Variants in PASD1 observed in about 807,000 individuals in gnomAD.
PASD1 encodes the protein circadian clock protein PASD1.
PASD1 carries 13 observed loss-of-function variants against 58.8 expected under a neutral mutation model. That is an observed-to-expected ratio of 0.22 (90% CI 0.14 to 0.35). The LOEUF (loss-of-function observed/expected upper bound fraction) is 0.35. Among genes scored for constraint, PASD1 ranks in the 10% least tolerant of loss-of-function variants. The pLI is 1.00. For missense variants in PASD1, 734 were observed against 568.3 expected, an observed-to-expected ratio of 1.29 and a Z score of -2.96; for synonymous variants, 236 against 216.7, an observed-to-expected ratio of 1.09 and a Z score of -0.78.
intron 1 of PASD1, among the ~76,000 whole-genome samples, chrX:151,591,981 T>C (rs1396595371): frequency 8.9e-6 from 1 of 112,157 alleles, no homozygotes; most frequent in African/African-American, 3.2e-5. Flanking sequence ...AAATCAAATT[T>C]CAGTTTATGT....
intron 3 of PASD1, among the ~76,000 whole-genome samples, chrX:151,610,258 A>C (rs1037714109): frequency 5.4e-5 from 6 of 111,750 alleles, no homozygotes; most frequent in African/African-American, 1.9e-4. Flanking sequence ...CTTGTGTTAC[A>C]TTCTGAGTCA....
chrX:151,613,425 C>T (rs1356254168), intron 4 of PASD1, among the ~76,000 whole-genome samples: 5 of 107,815 alleles, frequency 4.6e-5, no homozygotes, highest in Non-Finnish European at 7.7e-5. Context: ...GCCATTTTCA[C>T]GATATTGATT....
At chrX:151,663,954 C>T (rs2014341933) in intron 10 of PASD1, among the ~76,000 whole-genome samples, 165 bp from the exon 11 acceptor site, 1 of 112,341 alleles carries the variant, frequency 8.9e-6, no homozygotes, top group African/African-American at 3.2e-5. Flanking sequence ...CCCTTTTCTT[C>T]ATTTTCAAAT....
At chrX:151,565,818 A>G (rs2012833232) in intron 1 of PASD1, among the ~76,000 whole-genome samples, 1 of 111,566 alleles carries the variant, frequency 9.0e-6, no homozygotes, top group African/African-American at 3.3e-5. Flanking sequence ...TTCGCCTCCC[A>G]AAGTGCTGGG....
intron 11 of PASD1, among the ~76,000 whole-genome samples, chrX:151,670,180 G>T (rs1488567547): frequency 9.0e-6 from 1 of 111,513 alleles, no homozygotes; most frequent in Non-Finnish European, 1.9e-5. Context: ...CAAACTCCAC[G>T]CTTCGTTTCT....
chrX:151,648,146 C>T (rs975573411), intron 8 of PASD1, among the ~76,000 whole-genome samples: 3 of 110,874 alleles, frequency 2.7e-5, no homozygotes, highest in African/African-American at 9.8e-5. Context: ...TATTTCGACT[C>T]TAGTGTGCCA....
At chrX:151,659,674 A>G (rs2014286743) in intron 9 of PASD1, 39 bp from the exon 10 acceptor site, 2 of 1,147,490 alleles carry the variant, frequency 1.7e-6, no homozygotes, top group East Asian at 6.1e-5. Context: ...TCTAACTCCA[A>G]AATGCAATGT....
At chrX:151,569,820 G>C (rs2012901411) in intron 1 of PASD1, among the ~76,000 whole-genome samples, 1 of 110,784 alleles carries the variant, frequency 9.0e-6, no homozygotes, top group East Asian at 2.8e-4. Context: ...ATAATTTTAA[G>C]TGAGGAGGTC....
chrX:151,641,717 G>C lies in PASD1; in HGVS notation c.630-6898G>C, dbSNP rs142715718. On this transcript the variant is annotated intron_variant, in intron 8 of 15. Coordinates refer to ENST00000370357, the MANE Select transcript of PASD1 (RefSeq NM_173493.3). Reference sequence around the variant, plus strand: ...TTGTGGTGCTCAGGATAGGGAATTGGAGAGGAGAAGGGTACATTATTTCCT... The same window carrying C: ...TTGTGGTGCTCAGGATAGGGAATTGCAGAGGAGAAGGGTACATTATTTCCT... Among the ~76,000 whole-genome samples the C allele has an allele frequency of 2.7e-3, 295 of 110,938 alleles. 1 individual carries two copies. The highest frequency in any genetic ancestry group is 9.4e-3 in the African/African-American group (286 of 30,519).
At chrX:151,621,170 ACT>A (rs2013703289) in intron 5 of PASD1, 141 bp downstream of exon 5, 1 of 411,902 alleles carries the variant, frequency 2.4e-6, no homozygotes, top group Non-Finnish European at 4.1e-6. Flanking sequence ...AATATTACAA[ACT>A]CTATTTCTAG....
At chrX:151,648,253 A>T (rs1300303452) in intron 8 of PASD1, among the ~76,000 whole-genome samples, 1 of 110,648 alleles carries the variant, frequency 9.0e-6, no homozygotes, top group Non-Finnish European at 1.9e-5. Context: ...TAATTACAGG[A>T]AACAAAATTA....
chrX:151,676,418 C>T lies in PASD1; in HGVS notation c.*275C>T, dbSNP rs760573122. The stretch of plus-strand genomic sequence containing the variant: ...TGGATCTGATGTCTTGTCTGCCCCG[C>T]CCAGCTTTGCATATCCATGTTCTAC... On this transcript the variant is annotated 3_prime_UTR_variant, in exon 16 of 16. Transcript: ENST00000370357. 8 of 265,539 alleles carry T rather than the reference C, an allele frequency of 3.0e-5. No individual in the cohort carries two copies. In the South Asian group the frequency reaches 1.8e-3, roughly 59 times the overall value. The allele number at this position is 265,539 out of a possible 1,213,427, so 21.9% of individuals were successfully genotyped here.
At chrX:151,664,440 T>G (rs915523068) in intron 11 of PASD1, 92 bp downstream of exon 11, 5 of 1,134,547 alleles carry the variant, frequency 4.4e-6, no homozygotes, top group Admixed American at 2.8e-5. Flanking sequence ...CCAGTTTCAC[T>G]TCACAGAAAG....
chrX:151,671,114 A>G lies in PASD1; in HGVS notation c.1148A>G (p.Gln383Arg), dbSNP rs779597595. 7 of 1,212,011 alleles carry G rather than the reference A, an allele frequency of 5.8e-6. No homozygotes were observed. The highest frequency in any genetic ancestry group is 7.8e-6 in the Non-Finnish European group (7 of 895,520). The part of the protein sequence containing the change: ...ELELMKKLKE[Q>R]LEERTWLLHD... ...GAACTGATGAAGAAGTTGAAGGAGC[A>G]GCTAGAAGAGAGGACTTGGTTGCTG... The change falls in exon 12 of 16, where the codon CAG becomes CGG. Residue 383 changes from glutamine to arginine, a missense_variant. Physicochemically the swap from Gln to Arg is conservative, Grantham distance 43. Transcript: ENST00000370357.
intron 3 of PASD1, among the ~76,000 whole-genome samples, chrX:151,610,729 A>G (rs984199916): frequency 7.2e-5 from 8 of 111,444 alleles, no homozygotes; most frequent in African/African-American, 2.6e-4. Flanking sequence ...TAAACTAAAT[A>G]TTAGACTTTG....
intron 8 of PASD1, among the ~76,000 whole-genome samples, chrX:151,640,426 C>A (rs1486987301): frequency 9.0e-6 from 1 of 111,607 alleles, no homozygotes; most frequent in African/African-American, 3.3e-5. Context: ...CAATATAGTA[C>A]CTTACAAACT....
intron 1 of PASD1, among the ~76,000 whole-genome samples, chrX:151,580,388 C>T (rs762076317): frequency 3.3e-4 from 37 of 111,482 alleles, no homozygotes; most frequent in African/African-American, 1.0e-3. Context: ...GTTCCACAAA[C>T]GAGTCTCTAC....
At position 151,664,181 on chromosome X, in the gene PASD1, G is replaced by A; in HGVS notation, c.904G>A (p.Val302Met). 5.0e-6 allele frequency: 6 copies of A among 1,211,448 alleles called. No individual in the cohort carries two copies. Among genetic ancestry groups the A allele is most frequent in the Non-Finnish European group, 6.7e-6 (6 of 895,478 alleles). ...EVNPLYRADP[V>M]DLEFSVDQVD... is the part of the protein sequence containing the mutation. ...GAATCCATTGTACAGGGCAGACCCA[G>A]TGGACCTGGAGTTCTCGGTGGATCA... is the stretch of plus-strand genomic sequence containing the variant. Residue 302 changes from valine (V) to methionine (M), a missense_variant, in exon 11 of 16, where the codon GTG becomes ATG. Physicochemically the swap from Val to Met is conservative, Grantham distance 21. Coordinates refer to ENST00000370357, the MANE Select transcript of PASD1 (RefSeq NM_173493.3).
intron 9 of PASD1, among the ~76,000 whole-genome samples, chrX:151,650,309 T>C (rs1189537111): frequency 2.7e-5 from 3 of 111,314 alleles, no homozygotes; most frequent in South Asian, 3.8e-4. Context: ...TGAAGAAAGC[T>C]GGATTAAAAT....
Sources: gnomAD v4.1 joint callset for allele counts (sites outside exome capture counted in the v4.1 genomes callset) on GRCh38, gnomAD v4.1.1 for gene constraint, MANE v1.5 for transcripts, NCBI Gene and HGNC (gene_info 2026-07-23, HGNC 2026-07-21) for gene names.